DCK: variants seen among roughly 807,000 people sequenced by gnomAD.
DCK encodes the protein deoxyadenosine kinase.
DCK carries 23 observed loss-of-function variants against 38.3 expected under a neutral mutation model. That is an observed-to-expected ratio of 0.60 (90% CI 0.43 to 0.85). The LOEUF is 0.85. Among genes scored for constraint, DCK ranks in the 40% least tolerant of loss-of-function variants. The probability of loss-of-function intolerance (pLI) is 0.00; values close to 1 mark genes in which losing one functional copy is unlikely to be tolerated. For synonymous variants in DCK, 108 were observed against 100.6 expected (o/e 1.07, Z -0.44); for missense variants, 259 against 304.4 (o/e 0.85, Z 1.11).
At position 70,998,152 on chromosome 4, in the gene DCK, C is replaced by T; in HGVS notation, c.177C>T (p.Cys59=). ...EVVPEPVARW[C]NVQSTQDEFE... ...TTCCTGAACCTGTTGCCAGATGGTG[C>T]AATGTTCAAAGTACTCAAGATGAAT... Residue 59 remains cysteine, a synonymous_variant, in exon 2 of 7, where the codon TGC becomes TGT. Transcript: ENST00000286648. 1 of 1,598,664 alleles carries T rather than the reference C, an allele frequency of 6.3e-7. No individual in the cohort carries two copies. The highest frequency in any genetic ancestry group is 8.6e-7 in the Non-Finnish European group (1 of 1,168,576).
intron 2 of DCK, among the ~76,000 whole-genome samples, chr4:71,008,240 T>A (rs1360515168): frequency 6.6e-6 from 1 of 152,120 alleles, no homozygotes; most frequent in Non-Finnish European, 1.5e-5. Context: ...CAATTTTCTC[T>A]CCCCCCAGTG....
rs72552087 is a variant in DCK, at chr4:70,993,803, C to A, written c.-33C>A. 388 of 1,535,456 alleles carry A rather than the reference C, an allele frequency of 2.5e-4. 2 individuals are homozygous for A. In the African/African-American group the frequency reaches 4.7e-3, roughly 18 times the overall value. ...GTGGCCGCCTCCCAGCCCTCTTTGCCGGACGAGCTCTGGGCCGCCACAAGA... is the reference window on the plus strand; with the variant it reads ...GTGGCCGCCTCCCAGCCCTCTTTGCAGGACGAGCTCTGGGCCGCCACAAGA... On this transcript the variant is annotated 5_prime_UTR_variant, in exon 1 of 7. Transcript: ENST00000286648.
chr4:71,021,277 T>A (rs905293781), intron 2 of DCK, among the ~76,000 whole-genome samples: 1 of 151,372 alleles, frequency 6.6e-6, no homozygotes. Flanking sequence ...GGGTTTCACC[T>A]TGTTAGCCAG....
At chr4:71,002,344 C>T (rs548829863) in intron 2 of DCK, among the ~76,000 whole-genome samples, 1 of 152,072 alleles carries the variant, frequency 6.6e-6, no homozygotes, top group Non-Finnish European at 1.5e-5. Context: ...GTTATGATTT[C>T]CATTCTTTTG....
intron 2 of DCK, among the ~76,000 whole-genome samples, chr4:71,014,566 T>G (rs1426448911): frequency 7.0e-6 from 1 of 142,840 alleles, no homozygotes; most frequent in Non-Finnish European, 1.5e-5. Flanking sequence ...TATAAAAAAC[T>G]GTCTCTCAGA....
chr4:71,006,486 A>G (rs1357292281), intron 2 of DCK, among the ~76,000 whole-genome samples: 1 of 151,358 alleles, frequency 6.6e-6, no homozygotes, highest in African/African-American at 2.4e-5. Flanking sequence ...TTTTTTTTTT[A>G]AGTGACAGCA....
At chr4:70,994,680 T>G (rs1322479468) in intron 1 of DCK, among the ~76,000 whole-genome samples, 1 of 152,162 alleles carries the variant, frequency 6.6e-6, no homozygotes, top group African/African-American at 2.4e-5. Flanking sequence ...CGAAGCATTG[T>G]TTTAGCTATA....
At position 70,998,090 on chromosome 4, in the gene DCK, A is replaced by C. The variant is rs747405291; in HGVS notation, c.115A>C (p.Asn39His). Residue 39 changes from asparagine (N) to histidine (H), a missense_variant, in exon 2 of 7, where the codon AAT becomes CAT. By Grantham distance (68) the Asn-to-His change is moderately conservative (BLOSUM62 1). Around this residue, in one of 3 missense-constraint regions of DCK, gnomAD observed 159 missense variants for 159.0 expected, o/e 1.00. Transcript: ENST00000286648. ...NIAAGKSTFV[N>H]ILKQLCEDWE... Reference sequence around the variant, plus strand: ...AGCTGCAGGGAAGTCAACATTTGTGAATATCCTTAAACAATTGTGTGAAGA... The same window carrying C: ...AGCTGCAGGGAAGTCAACATTTGTGCATATCCTTAAACAATTGTGTGAAGA... The C allele has an allele frequency of 6.3e-7, 1 of 1,598,044 alleles. No individual in the cohort carries two copies.
chr4:71,000,832 G>A (rs1008737715), intron 2 of DCK, among the ~76,000 whole-genome samples: 1 of 152,142 alleles, frequency 6.6e-6, no homozygotes. Context: ...TGTTAGTGGT[G>A]TATAGGAATG....
chr4:70,997,578 A>G (rs1488959564), intron 1 of DCK, among the ~76,000 whole-genome samples: 2 of 152,184 alleles, frequency 1.3e-5, no homozygotes, highest in African/African-American at 2.4e-5. Context: ...AGATTTAAAT[A>G]TAGTTCTGCA....
At chr4:71,012,392 CCTGT>C (rs1740124666) in intron 2 of DCK, among the ~76,000 whole-genome samples, 1 of 152,266 alleles carries the variant, frequency 6.6e-6, no homozygotes, top group Non-Finnish European at 1.5e-5. Context: ...CTTAAATGTC[CCTGT>C]CTGACAGCTT....
At chr4:71,001,617 G>A (rs564087687) in intron 2 of DCK, among the ~76,000 whole-genome samples, 2 of 152,180 alleles carry the variant, frequency 1.3e-5, no homozygotes, top group South Asian at 4.2e-4. Context: ...ATCTGGTCCT[G>A]GGCTTTTTTT....
chr4:70,999,568 C>A (rs544699620), intron 2 of DCK, among the ~76,000 whole-genome samples: 1 of 152,298 alleles, frequency 6.6e-6, no homozygotes, highest in South Asian at 2.1e-4. Context: ...AATGGTATTT[C>A]TGGTTCTAGA....
At chr4:70,998,238 A>G in intron 2 of DCK, 56 bp downstream of exon 2, 2 of 785,812 alleles carry the variant, frequency 2.5e-6, no homozygotes, top group South Asian at 1.8e-5. Flanking sequence ...GAGCAGTAGT[A>G]CTTAATCTCT....
At chr4:71,001,977 C>T (rs984666712) in intron 2 of DCK, among the ~76,000 whole-genome samples, 2 of 152,116 alleles carry the variant, frequency 1.3e-5, no homozygotes, top group South Asian at 2.1e-4. Context: ...TCCTTCAGTT[C>T]TGCTCTGATC....
chr4:71,028,275 G>A (rs1740588615), intron 6 of DCK, among the ~76,000 whole-genome samples: 1 of 152,198 alleles, frequency 6.6e-6, no homozygotes, highest in Non-Finnish European at 1.5e-5. Flanking sequence ...TAAAATTGGT[G>A]TTACAGCTAT....
chr4:71,017,213 A>G (rs1431008867), intron 2 of DCK, among the ~76,000 whole-genome samples: 2 of 152,234 alleles, frequency 1.3e-5, no homozygotes, highest in Non-Finnish European at 2.9e-5. Context: ...AGAAATGCAA[A>G]TCAAAACCAC....
chr4:71,014,828 A>G (rs1026042330), intron 2 of DCK, among the ~76,000 whole-genome samples: 5 of 152,248 alleles, frequency 3.3e-5, no homozygotes, highest in African/African-American at 1.2e-4. Flanking sequence ...GGAGAGATCT[A>G]AAATTGACAC....
At chr4:71,026,478 T>G (rs1173688042) in intron 5 of DCK, among the ~76,000 whole-genome samples, 187 bp from the exon 6 acceptor site, 2 of 152,240 alleles carry the variant, frequency 1.3e-5, no homozygotes, top group East Asian at 3.9e-4. Flanking sequence ...GTACCTAAGT[T>G]TTTGGGCTCC....
Sources: gnomAD v4.1 joint callset for allele counts (sites outside exome capture counted in the v4.1 genomes callset) on GRCh38, gnomAD v4.1.1 for gene constraint, gnomAD v4.1.1 regional missense constraint, MANE v1.5 for transcripts, NCBI Gene and HGNC (gene_info 2026-07-23, HGNC 2026-07-21) for gene names.